The following TENM2 variants were observed in gnomAD, a reference collection of about 807,000 sequenced individuals.
The protein encoded by TENM2 is teneurin-2.
Under a neutral mutation model 245.2 loss-of-function variants are expected in TENM2, and 52 were observed. The ratio of observed to expected loss-of-function variants is 0.21; its 90% CI spans 0.17 to 0.27. The LOEUF (loss-of-function observed/expected upper bound fraction) is 0.27. Ranked by LOEUF, TENM2 falls within the 10% of genes least tolerant of loss-of-function variation. The pLI is 1.00. For missense variants in TENM2, 3,046 were observed against 3,666.8 expected, an observed-to-expected ratio of 0.83 and a Z score of 4.37; for synonymous variants, 1,363 against 1,438.9, an observed-to-expected ratio of 0.95 and a Z score of 1.19.
intron 2 of TENM2, among the ~76,000 whole-genome samples, chr5:167,801,799 G>C (rs768049666): frequency 1.8e-4 from 28 of 152,074 alleles, no homozygotes; most frequent in South Asian, 6.2e-4. Context: ...AGAGAACTGG[G>C]TGGGGCCAAT....
chr5:167,941,374 T>C (rs1008231365), intron 3 of TENM2, among the ~76,000 whole-genome samples: 1 of 152,202 alleles, frequency 6.6e-6, no homozygotes, highest in Non-Finnish European at 1.5e-5. Context: ...TTGTCCACCA[T>C]TGGACAGTTT....
chr5:166,982,796 G>C, the TENM2 span, among the ~76,000 whole-genome samples: 296 of 151,782 alleles, frequency 2.0e-3, 2 homozygotes, highest in African/African-American at 6.8e-3. Flanking sequence ...TTTTTTGGGG[G>C]GGGGAGGAGA....
At chr5:167,258,843 A>G in the TENM2 span, among the ~76,000 whole-genome samples, 1 of 152,168 alleles carries the variant, frequency 6.6e-6, no homozygotes, top group African/African-American at 2.4e-5. Context: ...TATGTGTGAG[A>G]ACCATAATGC....
At chr5:167,941,867 A>G (rs1426790382) in intron 3 of TENM2, among the ~76,000 whole-genome samples, 2 of 148,052 alleles carry the variant, frequency 1.4e-5, no homozygotes, top group Non-Finnish European at 3.0e-5. Flanking sequence ...AAAACAACAC[A>G]CACAAAAATC....
chr5:167,982,639 G>T (rs140347485), intron 4 of TENM2, among the ~76,000 whole-genome samples: 95 of 152,226 alleles, frequency 6.2e-4, no homozygotes, highest in African/African-American at 2.1e-3. Flanking sequence ...ACATCATGCA[G>T]CTCCTGGAGG....
intron 2 of TENM2, among the ~76,000 whole-genome samples, chr5:167,541,044 T>C (rs1772174603): frequency 6.6e-6 from 1 of 152,190 alleles, no homozygotes; most frequent in South Asian, 2.1e-4. Context: ...TTCACCTGTT[T>C]CATGAATAAG....
At chr5:167,134,357 T>A in the TENM2 span, among the ~76,000 whole-genome samples, 8 of 152,198 alleles carry the variant, frequency 5.3e-5, no homozygotes, top group African/African-American at 1.9e-4. Context: ...GAATTTTGAT[T>A]TTTTTGGCGT....
intron 2 of TENM2, among the ~76,000 whole-genome samples, chr5:167,769,086 C>G (rs1035999955): frequency 1.3e-5 from 2 of 152,116 alleles, no homozygotes; most frequent in African/African-American, 4.8e-5. Flanking sequence ...TTTCATGATC[C>G]ACCTCTTAAT....
At chr5:168,090,218 CCA>C (rs3083413) in intron 7 of TENM2, among the ~76,000 whole-genome samples, 15,593 of 136,546 alleles carry the variant, frequency 0.11, 859 homozygotes, top group African/African-American at 0.14. Context: ...ACTCCCCCCA[CCA>C]CACACACACA....
the TENM2 span, among the ~76,000 whole-genome samples, chr5:167,224,381 G>A: frequency 6.6e-6 from 1 of 151,944 alleles, no homozygotes; most frequent in African/African-American, 2.4e-5. Flanking sequence ...TGAGAGATAG[G>A]TGTTGAGTCT....
chr5:167,010,227 CA>C, the TENM2 span, among the ~76,000 whole-genome samples: 1 of 152,010 alleles, frequency 6.6e-6, no homozygotes, highest in African/African-American at 2.4e-5. Flanking sequence ...ACTAAAAATA[CA>C]AAAAATTAGC....
At chr5:167,364,625 G>A (rs905903522) in intron 1 of TENM2, among the ~76,000 whole-genome samples, 6 of 152,042 alleles carry the variant, frequency 3.9e-5, no homozygotes, top group Admixed American at 1.3e-4. Context: ...TGAGTCACAC[G>A]TTTATTGCTT....
intron 2 of TENM2, among the ~76,000 whole-genome samples, chr5:167,762,026 C>T (rs1245262172): frequency 6.6e-6 from 1 of 152,150 alleles, no homozygotes. Context: ...CATGCAGAAG[C>T]GCTGCCTGAC....
intron 2 of TENM2, among the ~76,000 whole-genome samples, chr5:167,697,623 C>A (rs1757853067): frequency 6.6e-6 from 1 of 152,170 alleles, no homozygotes; most frequent in Non-Finnish European, 1.5e-5. Flanking sequence ...CCCCCAGGTT[C>A]AAGCGATTCT....
intron 13 of TENM2, among the ~76,000 whole-genome samples, chr5:168,169,809 G>A (rs1344446803): frequency 1.3e-5 from 2 of 152,174 alleles, no homozygotes; most frequent in African/African-American, 4.8e-5. Context: ...GGTTGGGTGG[G>A]GGACAGCTTA....
chr5:167,569,852 C>CAATTAGGA (rs893535189), intron 2 of TENM2, among the ~76,000 whole-genome samples: 5 of 152,090 alleles, frequency 3.3e-5, no homozygotes, highest in African/African-American at 9.7e-5. Context: ...CCATGTTCCA[C>CAATTAGGA]AATTAGGAAA....
intron 2 of TENM2, among the ~76,000 whole-genome samples, chr5:167,507,122 T>C (rs1328721100): frequency 6.6e-6 from 1 of 152,344 alleles, no homozygotes. Context: ...TTTATAATGG[T>C]AAACCAATTG....
intron 2 of TENM2, among the ~76,000 whole-genome samples, chr5:167,398,926 T>A (rs905525725): frequency 2.9e-4 from 44 of 152,306 alleles, no homozygotes; most frequent in Admixed American, 6.5e-4. Flanking sequence ...TTTGAAAGCT[T>A]ATAGATTTAT....
chr5:166,982,480 A>G, the TENM2 span, among the ~76,000 whole-genome samples: 1,980 of 152,076 alleles, frequency 0.013, 45 homozygotes, highest in African/African-American at 0.045. Flanking sequence ...ATTTCTGGTG[A>G]AATATGGTCA....
Sources: allele counts gnomAD v4.1 joint callset (sites outside exome capture counted in the v4.1 genomes callset), GRCh38; gene constraint gnomAD v4.1.1; transcripts MANE v1.5; gene names NCBI Gene and HGNC (gene_info 2026-07-23, HGNC 2026-07-21).